Variants in FAM184A observed in about 807,000 individuals in gnomAD.
FAM184A encodes protein FAM184A.
A neutral mutation model predicts 143.8 loss-of-function variants in FAM184A; 99 were observed. The observed-to-expected ratio is 0.69, with a 90% CI of 0.58 to 0.81. The LOEUF (loss-of-function observed/expected upper bound fraction) is 0.81, where lower values mean the gene tolerates loss of function less well. FAM184A is among the 40% of genes least tolerant of loss of function. FAM184A has a pLI of 0.00. For missense variants in FAM184A, 1,217 were observed against 1,310.5 expected, an observed-to-expected ratio of 0.93 and a Z score of 1.10; for synonymous variants, 427 against 446.4, an observed-to-expected ratio of 0.96 and a Z score of 0.55.
chr6:118,987,712 CTAGTT>C (rs1364531837), intron 9 of FAM184A, among the ~76,000 whole-genome samples: 2 of 152,038 alleles, frequency 1.3e-5, no homozygotes, highest in Non-Finnish European at 2.9e-5. Flanking sequence ...AAAAAATAAA[CTAGTT>C]TAACAACAAA....
At chr6:119,032,390 A>G (rs1406507665) in intron 1 of FAM184A, among the ~76,000 whole-genome samples, 2 of 150,860 alleles carry the variant, frequency 1.3e-5, no homozygotes, top group Admixed American at 6.6e-5. Flanking sequence ...GACCTTTTTA[A>G]TAAGTTAACA....
chr6:119,105,931 G>C (rs6420704), intron 1 of FAM184A, among the ~76,000 whole-genome samples: 4 of 151,978 alleles, frequency 2.6e-5, no homozygotes, highest in African/African-American at 9.7e-5. Flanking sequence ...TATAACTAAC[G>C]TGAAGATATC....
At chr6:119,087,050 T>TAA (rs1359077934) in intron 1 of FAM184A, among the ~76,000 whole-genome samples, 1 of 152,162 alleles carries the variant, frequency 6.6e-6, no homozygotes, top group East Asian at 1.9e-4. Flanking sequence ...TAAAATTAAG[T>TAA]AAAATTTACA....
intron 7 of FAM184A, among the ~76,000 whole-genome samples, chr6:119,004,641 A>G (rs1241196526): frequency 1.3e-5 from 2 of 152,220 alleles, no homozygotes; most frequent in Non-Finnish European, 2.9e-5. Context: ...TTAAAGGAAA[A>G]GAGGTACCAA....
chr6:119,121,204 T>C (rs1454275202), intron 1 of FAM184A, among the ~76,000 whole-genome samples: 2 of 152,184 alleles, frequency 1.3e-5, no homozygotes, highest in Non-Finnish European at 2.9e-5. Flanking sequence ...AGATCATGGC[T>C]CACTTTAGCC....
chr6:119,030,775 A>G (rs1785839075), intron 1 of FAM184A, among the ~76,000 whole-genome samples: 1 of 152,028 alleles, frequency 6.6e-6, no homozygotes, highest in African/African-American at 2.4e-5. Context: ...ACAAATAGAA[A>G]AAAAAACTCT....
At chr6:118,960,689 T>C (rs1783292511) in intron 17 of FAM184A, 1 of 579,190 alleles carries the variant, frequency 1.7e-6, no homozygotes, top group Non-Finnish European at 2.8e-6. Context: ...TCCCCCGTTA[T>C]TGATGTTATA....
intron 14 of FAM184A, 49 bp from the exon 15 acceptor site, chr6:118,967,001 T>C (rs747939969): frequency 5.7e-6 from 5 of 871,506 alleles, no homozygotes; most frequent in Non-Finnish European, 9.1e-6. Context: ...AGATACATTC[T>C]TCTGTAATAC....
Position 118,970,008 on chromosome 6 carries a change from A to AT in FAM184A, c.2916-3057dup, listed in dbSNP as rs11272298. Among the ~76,000 whole-genome samples, 85 of 19,016 alleles carry AT rather than the reference A, an allele frequency of 4.5e-3. 12 individuals are homozygous for AT. Among genetic ancestry groups the AT allele is most frequent in the Non-Finnish European group, 6.4e-3 (57 of 8,858 alleles). 12.5% of individuals were successfully genotyped at this position (19,016 alleles called of 152,430 possible). A position where few individuals can be genotyped will look rare whatever the true frequency, so the allele number is the denominator to read the frequency against. ...ATATATATATAATATATATATATAT[A>AT]TTTTTTTTTTTTTGAGATGGAGTTT... On this transcript the variant is annotated intron_variant, in intron 14 of 17. Coordinates refer to ENST00000338891, the MANE Select transcript of FAM184A (RefSeq NM_024581.6).
intron 1 of FAM184A, among the ~76,000 whole-genome samples, chr6:119,070,895 T>C (rs917573510): frequency 6.9e-6 from 1 of 144,786 alleles, no homozygotes; most frequent in Non-Finnish European, 1.5e-5. Context: ...TTTGAATGCT[T>C]ATGAAGATTT....
In FAM184A at chr6:119,101,224, G is replaced by A. The variant is rs553448059; in HGVS notation, c.-202+47854C>T. The stretch of plus-strand genomic sequence containing the variant: ...TGGGATTACAGGCATGCACCACCAC[G>A]CCTGGCTAATTTTTTTTGTATTTTT... On this transcript the variant is annotated intron_variant, in intron 1 of 16. Coordinates refer to the FAM184A transcript ENST00000352896. Among the ~76,000 whole-genome samples the A allele has an allele frequency of 4.3e-4, 65 of 151,586 alleles. 1 individual carries two copies. Among genetic ancestry groups the A allele is most frequent in the South Asian group, 2.1e-3 (10 of 4,776 alleles).
chr6:119,064,518 T>A (rs1181615351), intron 1 of FAM184A, among the ~76,000 whole-genome samples: 1 of 152,048 alleles, frequency 6.6e-6, no homozygotes, highest in African/African-American at 2.4e-5. Flanking sequence ...CTGGCAAACA[T>A]AGTAAGATCT....
intron 9 of FAM184A, among the ~76,000 whole-genome samples, chr6:118,987,826 T>G (rs1456554281): frequency 2.0e-5 from 3 of 152,158 alleles, no homozygotes; most frequent in Admixed American, 1.3e-4. Context: ...ATAATGAAAT[T>G]TATGTCTGAG....
upstream of FAM184A, among the ~76,000 whole-genome samples, chr6:119,081,387 C>T (rs986656357): frequency 2.0e-5 from 3 of 152,160 alleles, no homozygotes; most frequent in African/African-American, 7.2e-5. Context: ...GCTGCTCAAA[C>T]CTCTAGGGGA....
In FAM184A at chr6:119,038,533, G is replaced by A. The variant is rs144886357; in HGVS notation, c.160-13720C>T. On this transcript the variant is annotated intron_variant, in intron 1 of 17. Transcript: ENST00000338891. The stretch of plus-strand genomic sequence containing the variant: ...TCCTCACTGCAACACTCCCACCAGC[G>A]CCATGACAGTTTATAAATGCCATGG... 1.7e-3 allele frequency among the ~76,000 whole-genome samples: 252 copies of A among 152,216 alleles called. 5 individuals are homozygous for A. The East Asian group carries it at 0.041, about 25-fold the overall frequency.
At chr6:119,094,780 AG>A (rs1367575643) in intron 1 of FAM184A, among the ~76,000 whole-genome samples, 1 of 148,580 alleles carries the variant, frequency 6.7e-6, no homozygotes, top group Non-Finnish European at 1.5e-5. Flanking sequence ...AAAAAAAAGG[AG>A]GGGATGTTAT....
At chr6:119,137,172 G>A (rs973772667) in intron 1 of FAM184A, among the ~76,000 whole-genome samples, 1 of 152,162 alleles carries the variant, frequency 6.6e-6, no homozygotes, top group African/African-American at 2.4e-5. Context: ...CTGGGATCAG[G>A]GTGCCAGCCT....
chr6:119,051,724 T>C (rs886939087), intron 1 of FAM184A, among the ~76,000 whole-genome samples: 3 of 152,106 alleles, frequency 2.0e-5, no homozygotes, highest in African/African-American at 7.2e-5. Context: ...TGCTATTGGT[T>C]TGAGAGGTAA....
intron 1 of FAM184A, among the ~76,000 whole-genome samples, chr6:119,106,578 A>T (rs531860811): frequency 6.6e-6 from 1 of 152,344 alleles, no homozygotes; most frequent in Admixed American, 6.5e-5. Context: ...AACTTTTATA[A>T]CTAGAGGTCA....
Sources: allele counts gnomAD v4.1 joint callset (sites outside exome capture counted in the v4.1 genomes callset), GRCh38; gene constraint gnomAD v4.1.1; transcripts MANE v1.5; gene names NCBI Gene and HGNC (gene_info 2026-07-23, HGNC 2026-07-21).